Variants in GPR137 observed in about 807,000 individuals in gnomAD.
GPR137 encodes integral membrane protein GPR137.
A neutral mutation model predicts 38.9 loss-of-function variants in GPR137; 20 were observed. The ratio of observed to expected loss-of-function variants is 0.51; its 90% confidence interval spans 0.36 to 0.75. GPR137 has a LOEUF of 0.75. GPR137 is among the 30% of genes least tolerant of loss of function. The pLI is 0.00. For synonymous variants in GPR137, 226 were observed against 235.8 expected, an observed-to-expected ratio of 0.96 and a Z score of 0.38; for missense variants, 456 against 526.4, an observed-to-expected ratio of 0.87 and a Z score of 1.31.
chr11:64,271,606 C>T (rs1350505446), upstream of GPR137: 10 of 1,435,678 alleles, frequency 7.0e-6, no homozygotes, highest in Non-Finnish European at 8.2e-6. Flanking sequence ...TGGGGACTGG[C>T]GCTCACCTTA....
In GPR137 at chr11:64,288,847, A is replaced by G; in HGVS notation, c.1031+126A>G. The G allele has an allele frequency of 1.4e-6, 2 of 1,412,710 alleles. No individual in the cohort carries two copies. The highest frequency in any genetic ancestry group is 1.8e-6 in the Non-Finnish European group (2 of 1,088,194). The allele number at this position is 1,412,710 out of a possible 1,614,324, so 87.5% of individuals were successfully genotyped here. A position where few individuals can be genotyped will look rare whatever the true frequency, so the allele number is the denominator to read the frequency against. On this transcript the variant is annotated intron_variant, in intron 6 of 6. Coordinates refer to ENST00000438980, the MANE Select transcript of GPR137 (RefSeq NM_001170880.2). This position sits in a 1 kb window ranked among gnomAD's most constrained non-coding sequence, Gnocchi z 5.5. ...CCCCTGCCATGGCCTTTGCTTCCCC[A>G]TCTGTACTAGGTGAGGTCCCCTGGG...
At chr11:64,284,449 AC>A, upstream of GPR137, 1 of 1,600,756 alleles carries the variant, frequency 6.2e-7, no homozygotes, top group South Asian at 1.1e-5. Context: ...AGAGGCAGGT[AC>A]CCCTGGCTTC....
chr11:64,288,660 C>G lies in GPR137; in HGVS notation c.970C>G (p.Arg324Gly). 1 of 1,602,830 alleles carries G rather than the reference C, an allele frequency of 6.2e-7. No individual in the cohort carries two copies. Among genetic ancestry groups the G allele is most frequent in the Non-Finnish European group, 8.5e-7 (1 of 1,173,834 alleles). The change falls in exon 6 of 7, where the codon CGG becomes GGG. Residue 324 changes from arginine to glycine, a missense_variant. Arg to Gly is a moderately radical substitution (Grantham distance 125). Transcript: ENST00000438980. The surrounding 1 kb of genome is among the most constrained non-coding windows in gnomAD (Gnocchi z 5.5). ...VFASRSYFFDRAGHCEDEGCS... is the reference protein window; with the variant it reads ...VFASRSYFFDGAGHCEDEGCS... ...TGCCTCTCGGTCCTACTTCTTTGAC[C>G]GGGCTGGGCACTGTGAAGATGAGGG... is the stretch of plus-strand genomic sequence containing the variant.
At position 64,287,982 on chromosome 11, in the gene GPR137, G is replaced by T. The variant is rs185280398; in HGVS notation, c.633+36G>T. 165 of 1,601,402 alleles carry T rather than the reference G, an allele frequency of 1.0e-4. No individual in the cohort carries two copies. In the African/African-American group the frequency reaches 2.0e-3, roughly 20 times the overall value. ...AGCACTGATGCCCAGGTGTCTTTTG[G>T]GTCTCTCGGCAGCGGTTCTCAGGGT... On this transcript the variant is annotated intron_variant, in intron 3 of 6. Coordinates refer to ENST00000438980, the MANE Select transcript of GPR137 (RefSeq NM_001170880.2).
In GPR137 at chr11:64,288,620, C is replaced by T. The variant is rs1565363059; in HGVS notation, c.930C>T (p.Leu310=). ...TCCCCCAGAGCACCAGCCACATCCT[C>T]AATGGGCAGGTCTTTGCCTCTCGGT... ...PPQDLSTSHI[L]NGQVFASRSY... is the part of the protein sequence containing the mutation. Residue 310 remains leucine, a synonymous_variant, in exon 6 of 7, where the codon CTC becomes CTT. Coordinates refer to ENST00000438980, the MANE Select transcript of GPR137 (RefSeq NM_001170880.2). This position sits in a 1 kb window ranked among gnomAD's most constrained non-coding sequence, Gnocchi z 5.5. 6.2e-7 allele frequency: 1 copy of T among 1,613,124 alleles called. No homozygotes were observed. Among genetic ancestry groups the T allele is most frequent in the Admixed American group, 1.7e-5 (1 of 59,912 alleles).
chr11:64,286,781 G>C lies in GPR137; in HGVS notation c.257G>C (p.Arg86Pro), dbSNP rs144751067. The change falls in exon 1 of 7, where the codon CGC becomes CCC. Residue 86 changes from arginine to proline, a missense_variant. Transcript: ENST00000438980. ...TCCTTCTACTTCCGAGATACTCCCC[G>C]CGCCAACCGCCTGGGGCCCTTGCCC... ...LFSFYFRDTP[R>P]ANRLGPLPFW... The C allele has an allele frequency of 8.1e-6, 13 of 1,609,730 alleles. No homozygotes were observed. The highest frequency in any genetic ancestry group is 1.7e-5 in the Admixed American group (1 of 59,796).
chr11:64,283,927 GCC>G (rs982431119), upstream of GPR137, among the ~76,000 whole-genome samples: 8 of 152,184 alleles, frequency 5.3e-5, no homozygotes, highest in African/African-American at 1.9e-4. Context: ...GAGCCACCAC[GCC>G]CGGCAGCAAC....
In GPR137 at chr11:64,287,706, G is replaced by A; in HGVS notation, c.408-15G>A. 6.2e-7 allele frequency: 1 copy of A among 1,602,762 alleles called. No individual in the cohort carries two copies. Among genetic ancestry groups the A allele is most frequent in the Non-Finnish European group, 8.5e-7 (1 of 1,179,830 alleles). On this transcript the variant is annotated splice_polypyrimidine_tract_variant and intron_variant, in intron 2 of 6. Coordinates refer to ENST00000438980, the MANE Select transcript of GPR137 (RefSeq NM_001170880.2). The stretch of plus-strand genomic sequence containing the variant: ...GGGCTGTTGAGGGCCCGCGCTGACT[G>A]TGCTGTGGCTGCAGGCTCGCTGTCC...
At chr11:64,285,784 G>C (rs1461178434), upstream of GPR137, 2 of 985,322 alleles carry the variant, frequency 2.0e-6, no homozygotes, top group Non-Finnish European at 2.4e-6. Flanking sequence ...TGCGGAGCCA[G>C]CCGGGCCGCT....
In GPR137 at chr11:64,286,316, A is replaced by C; in HGVS notation, c.-209A>C. 1 of 1,400,576 alleles carries C rather than the reference A, an allele frequency of 7.1e-7. No homozygotes were observed. Among genetic ancestry groups the C allele is most frequent in the Non-Finnish European group, 9.2e-7 (1 of 1,082,732 alleles). The allele number at this position is 1,400,576 out of a possible 1,614,324, so 86.8% of individuals were successfully genotyped here. A position where few individuals can be genotyped will look rare whatever the true frequency, so the allele number is the denominator to read the frequency against. Reference sequence around the variant, plus strand: ...GACTGCCCTTCCATGCCCCTGAGTGAGGGGCCTGGGGCCCAGGCTGCCTGT... The same window carrying C: ...GACTGCCCTTCCATGCCCCTGAGTGCGGGGCCTGGGGCCCAGGCTGCCTGT... On this transcript the variant is annotated 5_prime_UTR_variant, in exon 1 of 7. Transcript: ENST00000438980.
At chr11:64,276,950 G>C in intron 2 of GPR137, 2 of 756,094 alleles carry the variant, frequency 2.6e-6, no homozygotes, top group Non-Finnish European at 4.9e-6. Flanking sequence ...GTCAGCGGCT[G>C]GGGCGGACAT....
chr11:64,284,326 A>G, upstream of GPR137: 1 of 1,612,782 alleles, frequency 6.2e-7, no homozygotes, highest in Non-Finnish European at 8.5e-7. Flanking sequence ...GCAGAGCTGG[A>G]GTCTTCCTGC....
upstream of GPR137, among the ~76,000 whole-genome samples, chr11:64,273,145 G>A (rs2032767148): frequency 6.6e-6 from 1 of 151,668 alleles, no homozygotes; most frequent in African/African-American, 2.4e-5. Context: ...AAGGCAGGTG[G>A]ATCACCTGAG....
In GPR137 at chr11:64,286,042, A is replaced by C; in HGVS notation, c.-483A>C. On this transcript the variant is annotated 5_prime_UTR_variant, in exon 1 of 7. Transcript: ENST00000438980. ...GGAGGCAGAGGCCCTCCCCATCCGC[A>C]TTATTGGAGGAGAGAGAGCCTCCCC... 1.0e-6 allele frequency: 1 copy of C among 986,474 alleles called. No individual in the cohort carries two copies. The highest frequency in any genetic ancestry group is 1.2e-6 in the Non-Finnish European group (1 of 830,576). 61.1% of individuals were successfully genotyped at this position (986,474 alleles called of 1,614,324 possible).
rs778726335 is a variant in GPR137 at position 64,289,080 on chromosome 11, G to A, written c.1075G>A (p.Gly359Arg). Residue 359 changes from glycine (G) to arginine (R), a missense_variant, in exon 7 of 7, where the codon GGG (glycine) becomes AGG (arginine). By Grantham distance (125) the Gly-to-Arg change is moderately radical. Transcript: ENST00000438980. ...CTCTGGGAGCTGGTATGGTGCCATC[G>A]GGCGTGAGCCGGGCTGGTATGGGGG... ...LGSGSWYGAI[G>R]REPGWYGGSQ... 3.7e-6 allele frequency: 6 copies of A among 1,608,446 alleles called. No individual in the cohort carries two copies. The African/African-American group carries it at 5.3e-5, about 14-fold the overall frequency.
chr11:64,277,487 G>C (rs1450936494), intron 2 of GPR137, among the ~76,000 whole-genome samples: 9 of 152,202 alleles, frequency 5.9e-5, no homozygotes, highest in Non-Finnish European at 5.9e-5. Flanking sequence ...ACCCAGACTG[G>C]AGTGGGGTGG....
In GPR137 at chr11:64,288,749, C is replaced by T. The variant is rs2034438217; in HGVS notation, c.1031+28C>T. ...AGGAGCCGTGGCACTGCCTCAGTAC[C>T]CCTGCCCTACCCGCCCACCCCGCTG... On this transcript the variant is annotated intron_variant, in intron 6 of 6. Coordinates refer to ENST00000438980, the MANE Select transcript of GPR137 (RefSeq NM_001170880.2). The surrounding 1 kb of genome is among the most constrained non-coding windows in gnomAD (Gnocchi z 5.5). 6.7e-7 allele frequency: 1 copy of T among 1,502,110 alleles called. No homozygotes were observed. The highest frequency in any genetic ancestry group is 1.4e-5 in the African/African-American group (1 of 72,250). The allele number at this position is 1,502,110 out of a possible 1,614,324, so 93.0% of individuals were successfully genotyped here. A position where few individuals can be genotyped will look rare whatever the true frequency, so the allele number is the denominator to read the frequency against.
chr11:64,271,954 G>C (rs907602009), upstream of GPR137: 7 of 518,868 alleles, frequency 1.3e-5, no homozygotes, highest in African/African-American at 1.2e-4. Flanking sequence ...CCAGTCCCTT[G>C]TATGTGAATC....
At chr11:64,274,704 C>T (rs533567815), upstream of GPR137, among the ~76,000 whole-genome samples, 1 of 152,168 alleles carries the variant, frequency 6.6e-6, no homozygotes, top group South Asian at 2.1e-4. Flanking sequence ...GCCTGTAATC[C>T]CAGCTACTCA....
Sources: allele counts gnomAD v4.1 joint callset (sites outside exome capture counted in the v4.1 genomes callset), GRCh38; gene constraint gnomAD v4.1.1; non-coding constraint Gnocchi (gnomAD v3.1); transcripts MANE v1.5; gene names NCBI Gene and HGNC (gene_info 2026-07-23, HGNC 2026-07-21).